The following MFSD8 variants were observed in gnomAD, a reference collection of about 807,000 sequenced individuals.
The protein encoded by MFSD8 is major facilitator superfamily domain containing 8.
In MFSD8, 55 loss-of-function variants were observed where a neutral mutation model predicts 66.4. The ratio of observed to expected loss-of-function variants is 0.83; its 90% CI spans 0.67 to 1.04. MFSD8 has a LOEUF of 1.04. Among genes scored for constraint, MFSD8 ranks in the 50% least tolerant of loss-of-function variants. MFSD8 has a pLI of 0.00. For missense variants in MFSD8, 550 were observed against 627.6 expected (o/e 0.88, Z 1.32); for synonymous variants, 202 against 212.8 (o/e 0.95, Z 0.44).
chr4:127,959,445 A>G (rs1037296390), intron 1 of MFSD8, among the ~76,000 whole-genome samples: 6 of 152,140 alleles, frequency 3.9e-5, no homozygotes, highest in African/African-American at 1.2e-4. Flanking sequence ...CAATTGGAAA[A>G]ACTTGAGTAT....
chr4:127,921,299 C>G, intron 11 of MFSD8: 1 of 723,154 alleles, frequency 1.4e-6, no homozygotes, highest in Non-Finnish European at 2.2e-6. Flanking sequence ...ACTTTACACT[C>G]TACCACAATG....
Position 127,921,643 on chromosome 4 carries a change from T to C in MFSD8, c.1231A>G (p.Thr411Ala), listed in dbSNP as rs755570201. The C allele has an allele frequency of 1.2e-6, 2 of 1,614,088 alleles. No homozygotes were observed. Among genetic ancestry groups the C allele is most frequent in the South Asian group, 1.1e-5 (1 of 91,068 alleles). Reference sequence around the variant, plus strand: ...AACTGGGCCAGATGAATCACCGGGGTGTAGAGGCACCAGGCTTGTTCAATC... The same window carrying C: ...AACTGGGCCAGATGAATCACCGGGGCGTAGAGGCACCAGGCTTGTTCAATC... ...CSIEQAWCLY[T>A]PVIHLAQFLT... Residue 411 changes from threonine (T) to alanine (A), a missense_variant, in exon 11 of 12, where the codon ACC (threonine) becomes GCC (alanine). Transcript: ENST00000641686.
rs1008821019 is a variant in MFSD8 at position 127,943,903 on chromosome 4, T to C, written c.288A>G (p.Leu96=). 10 of 1,614,036 alleles carry C rather than the reference T, an allele frequency of 6.2e-6. No individual in the cohort carries two copies. Among genetic ancestry groups the C allele is most frequent in the Non-Finnish European group, 8.5e-6 (10 of 1,180,024 alleles). The change falls in exon 4 of 12, where the codon TTA becomes TTG. Residue 96 remains leucine (L), a synonymous_variant. Coordinates refer to ENST00000641686, the MANE Select transcript of MFSD8 (RefSeq NM_001371596.2). The stretch of plus-strand genomic sequence containing the variant: ...CTTTTCTTGGTCTATAATTAGACCA[T>C]AAACCAAATATAGGTGAAGCTACCA... ...GQMVASPIFG[L]WSNYRPRKEP...
chr4:127,944,060 C>G, intron 3 of MFSD8, 68 bp from the exon 4 acceptor site: 2 of 1,596,972 alleles, frequency 1.3e-6, no homozygotes, highest in South Asian at 2.2e-5. Context: ...ATACATTTGT[C>G]ATACCATGTA....
At chr4:127,953,912 G>A in intron 2 of MFSD8, among the ~76,000 whole-genome samples, 1 of 152,160 alleles carries the variant, frequency 6.6e-6, no homozygotes, top group Non-Finnish European at 1.5e-5. Flanking sequence ...TGGCAAGTGA[G>A]AGAAAACAGG....
chr4:127,947,403 C>A (rs1741224484), intron 3 of MFSD8, among the ~76,000 whole-genome samples: 1 of 151,744 alleles, frequency 6.6e-6, no homozygotes. Flanking sequence ...TATGGTGAAA[C>A]CCCGTCTCTA....
chr4:127,952,019 C>T lies in MFSD8; in HGVS notation c.155-2172G>A, dbSNP rs553653180. On this transcript the variant is annotated intron_variant, in intron 2 of 11. Coordinates refer to ENST00000641686, the MANE Select transcript of MFSD8 (RefSeq NM_001371596.2). ...CTGGGATTACAGGTGTGAGCAACCG[C>T]GCCTGGCCTTAGCATTATATTTTCA... Among the ~76,000 whole-genome samples the T allele has an allele frequency of 5.9e-5, 9 of 152,082 alleles. No individual in the cohort carries two copies. In the South Asian group the frequency reaches 1.7e-3, roughly 28 times the overall value.
At chr4:127,938,909 G>T in intron 6 of MFSD8, 71 bp from the exon 7 acceptor site, 2 of 1,223,534 alleles carry the variant, frequency 1.6e-6, no homozygotes, top group Non-Finnish European at 2.4e-6. Flanking sequence ...TTTATTATCG[G>T]CATTGTATTT....
Position 127,920,483 on chromosome 4 carries a change from T to C in MFSD8, c.*147A>G. ...ATTCACAATGACATGTAGAATTCTC[T>C]CTGTTATTCAACATATGTTCTTGTT... On this transcript the variant is annotated 3_prime_UTR_variant, in exon 12 of 12. Transcript: ENST00000641686. 1 of 767,572 alleles carries C rather than the reference T, an allele frequency of 1.3e-6. No homozygotes were observed. The highest frequency in any genetic ancestry group is 1.4e-5 in the South Asian group (1 of 69,762). 47.5% of individuals were successfully genotyped at this position (767,572 alleles called of 1,614,324 possible).
In MFSD8 at chr4:127,965,170, T is replaced by A. The variant is rs369032119; in HGVS notation, c.-37A>T. ...CTACAAGGCGTCTTGCGCCCAACTC[T>A]CGCGACACCTGCTTTCTCCCATCCC... On this transcript the variant is annotated 5_prime_UTR_variant, in exon 1 of 12. Transcript: ENST00000641686. 6.2e-7 allele frequency: 1 copy of A among 1,612,372 alleles called. No homozygotes were observed. The highest frequency in any genetic ancestry group is 1.3e-5 in the African/African-American group (1 of 74,932).
intron 2 of MFSD8, among the ~76,000 whole-genome samples, chr4:127,956,547 G>A (rs533364226): frequency 1.3e-5 from 2 of 151,196 alleles, no homozygotes; most frequent in South Asian, 2.1e-4. Flanking sequence ...AACTGGGGGC[G>A]GTGACTCACG....
chr4:127,921,414 G>T lies in MFSD8; in HGVS notation c.1350+110C>A, dbSNP rs76719935. ...TTTAAAAATTTTAAATGCTGAATATGATAAAAATCCCTCAAATCAGTCTGT... is the reference window on the plus strand; with the variant it reads ...TTTAAAAATTTTAAATGCTGAATATTATAAAAATCCCTCAAATCAGTCTGT... On this transcript the variant is annotated intron_variant, in intron 11 of 11. Transcript: ENST00000641686. 0.072 allele frequency: 112,166 copies of T among 1,554,222 alleles called. 4,737 individuals carry two copies. The highest frequency in any genetic ancestry group is 0.087 in the Non-Finnish European group (98,497 of 1,134,244).
At chr4:127,936,513 TC>T (rs1487505054) in intron 7 of MFSD8, among the ~76,000 whole-genome samples, 1 of 151,936 alleles carries the variant, frequency 6.6e-6, no homozygotes, top group East Asian at 1.9e-4. Flanking sequence ...ATCACTTGAG[TC>T]CAGGAGTTTA....
intron 1 of MFSD8, among the ~76,000 whole-genome samples, chr4:127,961,304 T>A (rs1743699969): frequency 6.6e-6 from 1 of 152,128 alleles, no homozygotes; most frequent in South Asian, 2.1e-4. Context: ...AAATGCTAAA[T>A]CTAGAACCTC....
At chr4:127,959,361 G>A (rs534149729) in intron 1 of MFSD8, among the ~76,000 whole-genome samples, 3 of 152,102 alleles carry the variant, frequency 2.0e-5, no homozygotes, top group Non-Finnish European at 4.4e-5. Context: ...CATAAACATT[G>A]ATTATCTCCT....
At chr4:127,957,335 A>G (rs1743054434) in intron 2 of MFSD8, among the ~76,000 whole-genome samples, 166 bp downstream of exon 2, 1 of 152,216 alleles carries the variant, frequency 6.6e-6, no homozygotes, top group Admixed American at 6.5e-5. Flanking sequence ...CAATGTGGAT[A>G]TACTTAAGGC....
intron 2 of MFSD8, among the ~76,000 whole-genome samples, chr4:127,950,795 C>T (rs769466899): frequency 6.6e-6 from 1 of 151,654 alleles, no homozygotes; most frequent in South Asian, 2.1e-4. Flanking sequence ...CAGTGTCTCA[C>T]GCCTGTAATC....
At chr4:127,944,644 G>C (rs1013285178) in intron 3 of MFSD8, among the ~76,000 whole-genome samples, 2 of 152,024 alleles carry the variant, frequency 1.3e-5, no homozygotes, top group Non-Finnish European at 2.9e-5. Flanking sequence ...CTTAGAAAAG[G>C]CACTATTGTT....
intron 2 of MFSD8, among the ~76,000 whole-genome samples, chr4:127,952,055 A>G (rs987752452): frequency 2.0e-5 from 3 of 151,888 alleles, no homozygotes; most frequent in Non-Finnish European, 4.4e-5. Flanking sequence ...AGATTCATCC[A>G]TGGTGTACAT....
Sources: allele counts gnomAD v4.1 joint callset (sites outside exome capture counted in the v4.1 genomes callset), GRCh38; gene constraint gnomAD v4.1.1; transcripts MANE v1.5; gene names NCBI Gene and HGNC (gene_info 2026-07-23, HGNC 2026-07-21).